The following SPOCK1 variants were observed in gnomAD, a reference collection of about 807,000 sequenced individuals.
The protein encoded by SPOCK1 is SPARC (osteonectin), cwcv and kazal like domains proteoglycan 1, also known as testican-1.
Under a neutral mutation model 55.3 loss-of-function variants are expected in SPOCK1, and 23 were observed. That is an observed-to-expected ratio of 0.42 (90% CI 0.30 to 0.59). SPOCK1 has a LOEUF of 0.59. Ranked by LOEUF, SPOCK1 falls within the 20% of genes least tolerant of loss-of-function variation. The probability of loss-of-function intolerance (pLI) is 0.22; values close to 1 mark genes in which losing one functional copy is unlikely to be tolerated. For synonymous variants in SPOCK1, 226 were observed against 221.0 expected (o/e 1.02, Z -0.20); for missense variants, 499 against 552.5 (o/e 0.90, Z 0.97).
chr5:137,087,347 C>T (rs555621703), intron 5 of SPOCK1, among the ~76,000 whole-genome samples: 6 of 152,302 alleles, frequency 3.9e-5, no homozygotes, highest in South Asian at 4.1e-4. Flanking sequence ...TATCTCTCTG[C>T]GCTTCAACAT....
chr5:137,499,088 C>A, intron 1 of SPOCK1, 91 bp downstream of exon 1: 1 of 152,332 alleles, frequency 6.6e-6, no homozygotes, highest in Non-Finnish European at 1.5e-5. Context: ...GCGGAGGTAA[C>A]CCCAGGCCCT....
chr5:137,211,211 A>G (rs1755607941), intron 3 of SPOCK1, among the ~76,000 whole-genome samples: 1 of 152,182 alleles, frequency 6.6e-6, no homozygotes, highest in African/African-American at 2.4e-5. Context: ...CCTGGATCCC[A>G]TTGGTGCATA....
At chr5:137,003,648 C>T (rs1330663931) in intron 6 of SPOCK1, among the ~76,000 whole-genome samples, 3 of 152,130 alleles carry the variant, frequency 2.0e-5, no homozygotes, top group Admixed American at 6.6e-5. Flanking sequence ...TCCAGTTTGA[C>T]CTGCTCAGAT....
intron 6 of SPOCK1, among the ~76,000 whole-genome samples, chr5:136,998,313 T>G (rs920793637): frequency 6.6e-6 from 1 of 152,224 alleles, no homozygotes; most frequent in Non-Finnish European, 1.5e-5. Flanking sequence ...ATTGGGAGAT[T>G]GGTCTGACTT....
chr5:137,209,881 T>C (rs1363123874), intron 3 of SPOCK1, among the ~76,000 whole-genome samples: 2 of 152,226 alleles, frequency 1.3e-5, no homozygotes, highest in East Asian at 3.8e-4. Flanking sequence ...CCAAAGGTAA[T>C]AAATCCATAT....
At chr5:137,037,742 T>C (rs1751912051) in intron 6 of SPOCK1, among the ~76,000 whole-genome samples, 1 of 152,142 alleles carries the variant, frequency 6.6e-6, no homozygotes, top group Non-Finnish European at 1.5e-5. Context: ...TAAATACGCG[T>C]TGGGAATAAC....
chr5:137,305,547 C>A (rs1757687313), intron 2 of SPOCK1, among the ~76,000 whole-genome samples: 2 of 152,234 alleles, frequency 1.3e-5, no homozygotes, highest in South Asian at 2.1e-4. Context: ...GGGATGTCAG[C>A]CACTCTGCTG....
intron 2 of SPOCK1, among the ~76,000 whole-genome samples, chr5:137,389,691 A>G (rs1177849642): frequency 1.3e-5 from 2 of 152,254 alleles, no homozygotes. Flanking sequence ...CCAGGTCTCC[A>G]AGATGCTGAG....
At chr5:137,074,840 G>A (rs1297735622) in intron 5 of SPOCK1, among the ~76,000 whole-genome samples, 1 of 152,134 alleles carries the variant, frequency 6.6e-6, no homozygotes, top group Non-Finnish European at 1.5e-5. Flanking sequence ...GAGTAGCTGG[G>A]ACTACAGGCA....
intron 2 of SPOCK1, among the ~76,000 whole-genome samples, chr5:137,478,233 C>A (rs1055326819): frequency 7.9e-5 from 12 of 152,088 alleles, no homozygotes; most frequent in Admixed American, 3.9e-4. Flanking sequence ...AGAATAGCAC[C>A]TGGCACAGAC....
At position 137,460,035 on chromosome 5, in the gene SPOCK1, C is replaced by T. The variant is rs1477963324; in HGVS notation, c.186+38338G>A. On this transcript the variant is annotated intron_variant, in intron 2 of 10. Transcript: ENST00000394945. ...AGAATCTGTGTAGGAGAAGTATGAG[C>T]GAGAAGGATGGGGCAGTAAGTAGGA... is the stretch of plus-strand genomic sequence containing the variant. Among the ~76,000 whole-genome samples, 9 of 152,174 alleles carry T rather than the reference C, an allele frequency of 5.9e-5. No homozygotes were observed. In the Middle Eastern group the frequency reaches 0.017, roughly 288 times the overall value.
At chr5:137,376,792 T>C (rs1028242028) in intron 2 of SPOCK1, among the ~76,000 whole-genome samples, 3 of 152,084 alleles carry the variant, frequency 2.0e-5, no homozygotes, top group East Asian at 3.9e-4. Context: ...TTTGTCTATA[T>C]AGATGCATAG....
At chr5:137,483,509 T>C (rs1753991995) in intron 2 of SPOCK1, among the ~76,000 whole-genome samples, 1 of 152,002 alleles carries the variant, frequency 6.6e-6, no homozygotes, top group African/African-American at 2.4e-5. Context: ...CCTAGGAGAG[T>C]ACCTGGCACA....
intron 3 of SPOCK1, among the ~76,000 whole-genome samples, chr5:137,147,734 G>A (rs191192953): frequency 6.6e-6 from 1 of 152,298 alleles, no homozygotes; most frequent in East Asian, 1.9e-4. Flanking sequence ...GAGCTTCAAC[G>A]TGGGAATTTG....
At chr5:137,271,315 A>G (rs1404902553) in intron 2 of SPOCK1, among the ~76,000 whole-genome samples, 1 of 150,670 alleles carries the variant, frequency 6.6e-6, no homozygotes, top group African/African-American at 2.4e-5. Context: ...TGCTTTAGAG[A>G]TATTCTGTTC....
intron 2 of SPOCK1, among the ~76,000 whole-genome samples, chr5:137,429,488 C>T (rs947113699): frequency 1.3e-5 from 2 of 152,336 alleles, no homozygotes; most frequent in South Asian, 2.1e-4. Context: ...TGAATGTAAG[C>T]TCCATGAAGG....
chr5:137,302,830 G>T (rs971661765), intron 2 of SPOCK1, among the ~76,000 whole-genome samples: 1 of 152,124 alleles, frequency 6.6e-6, no homozygotes, highest in African/African-American at 2.4e-5. Flanking sequence ...TCCCACTGCT[G>T]TCTCAGTCTT....
intron 2 of SPOCK1, among the ~76,000 whole-genome samples, chr5:137,288,237 C>T (rs1202839000): frequency 6.6e-6 from 1 of 152,174 alleles, no homozygotes; most frequent in Non-Finnish European, 1.5e-5. Context: ...TTCCGTGGCT[C>T]AATGCACACT....
chr5:137,006,339 A>G (rs778749338), intron 6 of SPOCK1, among the ~76,000 whole-genome samples: 1 of 152,204 alleles, frequency 6.6e-6, no homozygotes, highest in African/African-American at 2.4e-5. Flanking sequence ...ATCCATGAGC[A>G]TGGAATGTTT....
Sources: gnomAD v4.1 joint callset for allele counts (sites outside exome capture counted in the v4.1 genomes callset) on GRCh38, gnomAD v4.1.1 for gene constraint, MANE v1.5 for transcripts, NCBI Gene and HGNC (gene_info 2026-07-23, HGNC 2026-07-21) for gene names.